HSD17B12: variants seen among roughly 807,000 people sequenced by gnomAD.
HSD17B12 encodes hydroxysteroid 17-beta dehydrogenase 12.
A neutral mutation model predicts 39.3 loss-of-function variants in HSD17B12; 32 were observed. That is an observed-to-expected ratio of 0.81 (90% CI 0.61 to 1.09). The LOEUF is 1.09. Ranked by LOEUF, HSD17B12 falls within the 50% of genes least tolerant of loss-of-function variation. The pLI is 0.00. For missense variants in HSD17B12, 342 were observed against 382.9 expected, an observed-to-expected ratio of 0.89 and a Z score of 0.89; for synonymous variants, 150 against 146.7, an observed-to-expected ratio of 1.02 and a Z score of -0.16.
At chr11:43,684,837 C>T (rs1347473803) in intron 1 of HSD17B12, among the ~76,000 whole-genome samples, 1 of 152,132 alleles carries the variant, frequency 6.6e-6, no homozygotes, top group African/African-American at 2.4e-5. Context: ...AAATGCTGTA[C>T]CCATTAGGCC....
At chr11:43,816,243 T>C (rs1212675089) in intron 5 of HSD17B12, 104 bp from the exon 6 acceptor site, 1 of 952,968 alleles carries the variant, frequency 1.0e-6, no homozygotes, top group African/African-American at 1.7e-5. Flanking sequence ...ATCTCTGCAA[T>C]ATCTGGGGAA....
chr11:43,690,404 ATTTTTTTT>A (rs1206545700), intron 1 of HSD17B12, among the ~76,000 whole-genome samples: 1 of 24,960 alleles, frequency 4.0e-5, no homozygotes, highest in Non-Finnish European at 6.9e-5. Flanking sequence ...ATATATATAT[ATTTTTTTT>A]TTTTTTTTTC....
At chr11:43,687,983 G>T (rs1667913506) in intron 1 of HSD17B12, among the ~76,000 whole-genome samples, 1 of 152,186 alleles carries the variant, frequency 6.6e-6, no homozygotes, top group Non-Finnish European at 1.5e-5. Context: ...AGGCTGAAGT[G>T]GGCGGATCAC....
At chr11:43,666,258 C>T in the HSD17B12 span, among the ~76,000 whole-genome samples, 1 of 152,136 alleles carries the variant, frequency 6.6e-6, no homozygotes, top group African/African-American at 2.4e-5. Context: ...GGCTGGAGTG[C>T]AGTGGTGCAG....
intron 6 of HSD17B12, among the ~76,000 whole-genome samples, chr11:43,821,114 A>G (rs914873303): frequency 6.6e-6 from 1 of 152,238 alleles, no homozygotes; most frequent in African/African-American, 2.4e-5. Context: ...ATGTTTAATC[A>G]TAAGCAGTTC....
At chr11:43,838,220 T>G in intron 7 of HSD17B12, 97 bp from the exon 8 acceptor site, 1 of 851,826 alleles carries the variant, frequency 1.2e-6, no homozygotes, top group East Asian at 2.4e-5. Flanking sequence ...ACAGCTACAT[T>G]ATTCTGTTTC....
the HSD17B12 span, among the ~76,000 whole-genome samples, chr11:43,643,040 T>G: frequency 6.6e-6 from 1 of 152,112 alleles, no homozygotes; most frequent in Non-Finnish European, 1.5e-5. Flanking sequence ...AAATTCATGA[T>G]ACATTTTGAG....
chr11:43,640,515 G>T, the HSD17B12 span, among the ~76,000 whole-genome samples: 1 of 152,054 alleles, frequency 6.6e-6, no homozygotes, highest in Non-Finnish European at 1.5e-5. Flanking sequence ...AAATTGATTT[G>T]AAGATAGAAA....
At chr11:43,613,823 C>T in the HSD17B12 span, among the ~76,000 whole-genome samples, 5,382 of 152,014 alleles carry the variant, frequency 0.035, 161 homozygotes, top group South Asian at 0.12. Flanking sequence ...CCCACCACTA[C>T]GCCCGGCTAA....
intron 3 of HSD17B12, among the ~76,000 whole-genome samples, chr11:43,768,147 C>CT (rs1480551894): frequency 4.6e-5 from 7 of 152,150 alleles, no homozygotes; most frequent in African/African-American, 1.7e-4. Context: ...TTTAAGTGTA[C>CT]TTTAAGTATT....
the HSD17B12 span, among the ~76,000 whole-genome samples, chr11:43,615,644 T>C: frequency 6.6e-6 from 1 of 152,196 alleles, no homozygotes; most frequent in African/African-American, 2.4e-5. Context: ...GCGTTTTCCT[T>C]TTCTCAGGGG....
intron 1 of HSD17B12, among the ~76,000 whole-genome samples, chr11:43,714,277 A>G (rs1295062789): frequency 6.6e-6 from 1 of 152,200 alleles, no homozygotes; most frequent in East Asian, 1.9e-4. Context: ...TAAGTCTTTA[A>G]TCCATCTTGA....
chr11:43,737,255 T>C (rs559668159), intron 1 of HSD17B12, among the ~76,000 whole-genome samples: 12 of 152,332 alleles, frequency 7.9e-5, no homozygotes, highest in African/African-American at 2.6e-4. Context: ...TAGTCTATTT[T>C]TGATGTTTGA....
At chr11:43,648,271 C>T in the HSD17B12 span, among the ~76,000 whole-genome samples, 1 of 152,014 alleles carries the variant, frequency 6.6e-6, no homozygotes, top group African/African-American at 2.4e-5. Flanking sequence ...AAACCATTTT[C>T]ACCTAAATTA....
At chr11:43,788,623 C>T (rs1396175140) in intron 3 of HSD17B12, among the ~76,000 whole-genome samples, 1 of 150,334 alleles carries the variant, frequency 6.7e-6, no homozygotes, top group Non-Finnish European at 1.5e-5. Flanking sequence ...TCTCTGCCTG[C>T]CACCTGTCGC....
chr11:43,707,497 C>A (rs1435235691), intron 1 of HSD17B12, among the ~76,000 whole-genome samples: 1 of 152,184 alleles, frequency 6.6e-6, no homozygotes, highest in African/African-American at 2.4e-5. Context: ...AAACTTTGTA[C>A]TAATTTATCC....
chr11:43,759,469 C>T (rs999438980), intron 3 of HSD17B12, among the ~76,000 whole-genome samples: 1 of 152,112 alleles, frequency 6.6e-6, no homozygotes, highest in African/African-American at 2.4e-5. Context: ...AAAGCCATCA[C>T]ACATGTAATA....
chr11:43,672,433 TA>T, the HSD17B12 span, among the ~76,000 whole-genome samples: 8 of 152,198 alleles, frequency 5.3e-5, no homozygotes, highest in Non-Finnish European at 8.8e-5. Flanking sequence ...AAGGTTAACT[TA>T]AAGAGTTAAT....
At chr11:43,847,282 G>A (rs1405198293) in intron 9 of HSD17B12, among the ~76,000 whole-genome samples, 1 of 152,190 alleles carries the variant, frequency 6.6e-6, no homozygotes, top group African/African-American at 2.4e-5. Context: ...AAGAAAGGTG[G>A]GGATGCAGAT....
Sources: gnomAD v4.1 joint callset for allele counts (sites outside exome capture counted in the v4.1 genomes callset) on GRCh38, gnomAD v4.1.1 for gene constraint, MANE v1.5 for transcripts, NCBI Gene and HGNC (gene_info 2026-07-23, HGNC 2026-07-21) for gene names.